The following TCF7L2 variants were observed in gnomAD, a reference collection of about 807,000 sequenced individuals.
TCF7L2 encodes transcription factor 7-like 2.
TCF7L2 carries 23 observed loss-of-function variants against 77.9 expected under a neutral mutation model. That is an observed-to-expected ratio of 0.30 (90% confidence interval 0.21 to 0.42). TCF7L2 has a LOEUF of 0.42. Ranked by LOEUF, TCF7L2 falls within the 10% of genes least tolerant of loss-of-function variation. TCF7L2 has a pLI of 1.00. For synonymous variants in TCF7L2, 413 were observed against 340.2 expected, an observed-to-expected ratio of 1.21 and a Z score of -2.36; for missense variants, 654 against 793.1, an observed-to-expected ratio of 0.82 and a Z score of 2.11.
chr10:113,104,732 G>C (rs2062066668), intron 5 of TCF7L2, among the ~76,000 whole-genome samples: 1 of 152,202 alleles, frequency 6.6e-6, no homozygotes, highest in African/African-American at 2.4e-5. Flanking sequence ...CTGAAGATCT[G>C]TACCCACTGC....
Position 113,166,822 on chromosome 10 carries a change from C to CTT in TCF7L2, c.*859_*860dup. On this transcript the variant is annotated 3_prime_UTR_variant, in exon 14 of 14. Coordinates refer to ENST00000627217, the MANE Select transcript of TCF7L2 (RefSeq NM_001146274.2). The stretch of plus-strand genomic sequence containing the variant: ...ATATATTTTTGTTTCCCCTTTTTGA[C>CTT]TTTTTTTTTTCTGTATGAAACCCAG... The CTT allele has an allele frequency of 3.2e-5, 7 of 216,448 alleles. No homozygotes were observed. Among genetic ancestry groups the CTT allele is most frequent in the East Asian group, 6.9e-5 (1 of 14,494 alleles). 13.4% of individuals were successfully genotyped at this position (216,448 alleles called of 1,614,324 possible).
chr10:112,973,877 A>ACT lies in TCF7L2; in HGVS notation c.450+9254_450+9255dup, dbSNP rs1219268940. 2.0e-5 allele frequency among the ~76,000 whole-genome samples: 3 copies of ACT among 152,198 alleles called. No homozygotes were observed. The East Asian group carries it at 5.8e-4, about 29-fold the overall frequency. ...AGTACTGGGATTATAGGTGGGGGCCACTGCACCCTGCCAATTTTTAATTGT... is the reference window on the plus strand; with the variant it reads ...AGTACTGGGATTATAGGTGGGGGCCACTCTGCACCCTGCCAATTTTTAATTGT... On this transcript the variant is annotated intron_variant, in intron 4 of 13. Transcript: ENST00000627217.
At chr10:113,137,942 C>T (rs2067669030) in intron 5 of TCF7L2, among the ~76,000 whole-genome samples, 1 of 152,196 alleles carries the variant, frequency 6.6e-6, no homozygotes, top group South Asian at 2.1e-4. Flanking sequence ...AGAAAGGGTT[C>T]TGGGGTCTGA....
At position 112,979,472 on chromosome 10, in the gene TCF7L2, A is replaced by G. The variant is rs2040071615; in HGVS notation, c.450+14848A>G. On this transcript the variant is annotated intron_variant, in intron 4 of 13. Coordinates refer to ENST00000627217, the MANE Select transcript of TCF7L2 (RefSeq NM_001146274.2). Reference sequence around the variant, plus strand: ...TTGAAGAACCAGTAAAAGAATGACAATAGACTGGGTGCGGTGGCTCATGCC... The same window carrying G: ...TTGAAGAACCAGTAAAAGAATGACAGTAGACTGGGTGCGGTGGCTCATGCC... Among the ~76,000 whole-genome samples the G allele has an allele frequency of 2.0e-5, 3 of 152,146 alleles. No individual in the cohort carries two copies. The South Asian group carries it at 6.2e-4, about 32-fold the overall frequency.
intron 5 of TCF7L2, among the ~76,000 whole-genome samples, chr10:113,068,623 G>A (rs756713250): frequency 2.6e-5 from 4 of 152,138 alleles, no homozygotes; most frequent in African/African-American, 4.8e-5. Context: ...AGGCCCAGAC[G>A]TGGAGCACTG....
intron 5 of TCF7L2, among the ~76,000 whole-genome samples, chr10:113,140,277 G>A (rs2068116481): frequency 6.6e-6 from 1 of 152,070 alleles, no homozygotes; most frequent in Non-Finnish European, 1.5e-5. Context: ...GGGGAAAGAG[G>A]AGGAGAATAA....
At chr10:113,097,360 A>AC (rs2061110932) in intron 5 of TCF7L2, among the ~76,000 whole-genome samples, 1 of 152,098 alleles carries the variant, frequency 6.6e-6, no homozygotes, top group African/African-American at 2.4e-5. Flanking sequence ...TTGTAGAAGA[A>AC]CCCATGAGGA....
rs1260888883 is a variant in TCF7L2, at chr10:112,951,286, C to G, written c.256+13C>G. 1 of 1,378,648 alleles carries G rather than the reference C, an allele frequency of 7.3e-7. No homozygotes were observed. The highest frequency in any genetic ancestry group is 1.5e-5 in the South Asian group (1 of 66,744). The allele number at this position is 1,378,648 out of a possible 1,614,324, so 85.4% of individuals were successfully genotyped here. On this transcript the variant is annotated intron_variant, in intron 2 of 13. Coordinates refer to ENST00000627217, the MANE Select transcript of TCF7L2 (RefSeq NM_001146274.2). ...AGTTTGGAAGAAGGTGAGTACGCCC[C>G]GCGCGCCCCGCAGCCGCCCGGAGCC...
intron 4 of TCF7L2, among the ~76,000 whole-genome samples, chr10:113,005,030 C>G (rs1413729554): frequency 6.6e-6 from 1 of 152,160 alleles, no homozygotes; most frequent in African/African-American, 2.4e-5. Context: ...GCTCTGTAAG[C>G]CTCTTGTAGC....
intron 11 of TCF7L2, 99 bp from the exon 12 acceptor site, chr10:113,157,922 A>G (rs1475146768): frequency 3.9e-6 from 5 of 1,278,094 alleles, no homozygotes; most frequent in African/African-American, 3.0e-5. Context: ...AGATGGCAGT[A>G]TGGTCACTTC....
chr10:113,123,367 T>C (rs1592005333), intron 5 of TCF7L2, among the ~76,000 whole-genome samples: 1 of 152,236 alleles, frequency 6.6e-6, no homozygotes, highest in South Asian at 2.1e-4. Flanking sequence ...AAGCAAAGGC[T>C]CTTTACTTTA....
intron 4 of TCF7L2, among the ~76,000 whole-genome samples, chr10:113,022,742 G>C (rs1160257724): frequency 2.6e-5 from 4 of 152,150 alleles, no homozygotes; most frequent in Non-Finnish European, 5.9e-5. Context: ...CAGGTACAAT[G>C]CCAGGCATTT....
At chr10:113,127,884 T>C (rs1415702872) in intron 5 of TCF7L2, among the ~76,000 whole-genome samples, 2 of 149,064 alleles carry the variant, frequency 1.3e-5, no homozygotes, top group South Asian at 2.1e-4. Flanking sequence ...TTTTTTTTTT[T>C]TTTCCATTTT....
chr10:112,981,860 A>G (rs990751244), intron 4 of TCF7L2, among the ~76,000 whole-genome samples: 2 of 152,180 alleles, frequency 1.3e-5, no homozygotes, highest in African/African-American at 4.8e-5. Flanking sequence ...CATGGGAACC[A>G]AAGTGACCAG....
Position 113,131,844 on chromosome 10 carries a change from AC to A in TCF7L2, c.553-9339del, listed in dbSNP as rs1481690701. Among the ~76,000 whole-genome samples the A allele has an allele frequency of 1.3e-4, 20 of 152,336 alleles. No homozygotes were observed. The South Asian group carries it at 2.5e-3, about 19-fold the overall frequency. ...GAAATCCTGACATGCCCTCCAGATTACGTAGTTCTGCACACATTTGAGGATT... is the reference window on the plus strand; with the variant it reads ...GAAATCCTGACATGCCCTCCAGATTAGTAGTTCTGCACACATTTGAGGATT... On this transcript the variant is annotated intron_variant, in intron 5 of 13. Coordinates refer to ENST00000627217, the MANE Select transcript of TCF7L2 (RefSeq NM_001146274.2).
rs531498643 is a variant in TCF7L2 at position 113,100,364 on chromosome 10, G to A, written c.553-40820G>A. ...GTCACTGTGGGGTCTTAATTCTCTC[G>A]AATCTGCCTTTAGAAGGCAGAAGGC... On this transcript the variant is annotated intron_variant, in intron 5 of 13. Coordinates refer to ENST00000627217, the MANE Select transcript of TCF7L2 (RefSeq NM_001146274.2). Among the ~76,000 whole-genome samples, 7 of 152,250 alleles carry A rather than the reference G, an allele frequency of 4.6e-5. No homozygotes were observed. In the South Asian group the frequency reaches 1.0e-3, roughly 23 times the overall value.
At chr10:113,079,906 C>G (rs1156858905) in intron 5 of TCF7L2, among the ~76,000 whole-genome samples, 2 of 152,036 alleles carry the variant, frequency 1.3e-5, no homozygotes, top group Admixed American at 6.6e-5. Context: ...GAACCACCCC[C>G]CTCCGCCTCC....
intron 8 of TCF7L2, among the ~76,000 whole-genome samples, chr10:113,149,852 T>G (rs1309383188): frequency 6.6e-6 from 1 of 152,244 alleles, no homozygotes; most frequent in African/African-American, 2.4e-5. Context: ...AGCAGGAGGC[T>G]GCCATATTGT....
chr10:113,018,284 C>T (rs554610269), intron 4 of TCF7L2, among the ~76,000 whole-genome samples: 32 of 151,838 alleles, frequency 2.1e-4, no homozygotes, highest in Non-Finnish European at 3.8e-4. Flanking sequence ...GGGAGTGTTG[C>T]CCTGTTGTTC....
Sources: allele counts gnomAD v4.1 joint callset (sites outside exome capture counted in the v4.1 genomes callset), GRCh38; gene constraint gnomAD v4.1.1; transcripts MANE v1.5; gene names NCBI Gene and HGNC (gene_info 2026-07-23, HGNC 2026-07-21).